The following DPEP3 variants were observed in gnomAD, a reference collection of about 807,000 sequenced individuals.
DPEP3 encodes the protein membrane-bound dipeptidase 3.
In DPEP3, 42 loss-of-function variants were observed where a neutral mutation model predicts 47.5. That is an observed-to-expected ratio of 0.88 (90% CI 0.69 to 1.14). The LOEUF is 1.14. Among genes scored for constraint, DPEP3 ranks in the 50% most tolerant of loss-of-function variants. The pLI, the probability that DPEP3 is intolerant of heterozygous loss-of-function variation, is 0.00. For synonymous variants in DPEP3, 276 were observed against 270.2 expected (o/e 1.02, Z -0.21); for missense variants, 560 against 635.0 (o/e 0.88, Z 1.27).
chr16:67,978,187 C>T lies in DPEP3; in HGVS notation c.686+80G>A, dbSNP rs148157324. ...CCTCTGCGGACCCCTTCATCCTCAA[C>T]GGCTTGGTCACACCCATGCCAGGAA... On this transcript the variant is annotated intron_variant, in intron 4 of 9. Coordinates refer to ENST00000268793, the MANE Select transcript of DPEP3 (RefSeq NM_001370198.1). This position sits in a 1 kb window ranked among gnomAD's most constrained non-coding sequence, Gnocchi z 4.4. 7.4e-5 allele frequency: 118 copies of T among 1,603,460 alleles called. No individual in the cohort carries two copies. In the African/African-American group the frequency reaches 1.0e-3, roughly 14 times the overall value.
chr16:67,978,147 T>C lies in DPEP3; in HGVS notation c.686+120A>G, dbSNP rs75869896. 6.3e-7 allele frequency: 1 copy of C among 1,578,406 alleles called. No individual in the cohort carries two copies. The highest frequency in any genetic ancestry group is 1.7e-5 in the Admixed American group (1 of 59,342). On this transcript the variant is annotated intron_variant, in intron 4 of 9. Coordinates refer to ENST00000268793, the MANE Select transcript of DPEP3 (RefSeq NM_001370198.1). This position sits in a 1 kb window ranked among gnomAD's most constrained non-coding sequence, Gnocchi z 4.4. ...CTTTCTGGGATTGTGAGGGACCCACTGGGTGTCCAGCCTCCCTCTGCGGAC... is the reference window on the plus strand; with the variant it reads ...CTTTCTGGGATTGTGAGGGACCCACCGGGTGTCCAGCCTCCCTCTGCGGAC...
In DPEP3 at chr16:67,979,772, G is replaced by A. The variant is rs768398646; in HGVS notation, c.288-7C>T. On this transcript the variant is annotated splice_polypyrimidine_tract_variant and splice_region_variant and intron_variant, in intron 1 of 9. Transcript: ENST00000268793. ...CTGGGGCAGGTCATTGTGGCTGGGG[G>A]TGTGAAGGTCAGATGGAAACACCGC... 9.9e-6 allele frequency: 16 copies of A among 1,613,532 alleles called. No individual in the cohort carries two copies. The East Asian group carries it at 3.3e-4, about 34-fold the overall frequency.
intron 6 of DPEP3, 111 bp downstream of exon 6, chr16:67,977,541 TA>T: frequency 7.2e-7 from 1 of 1,383,760 alleles, no homozygotes; most frequent in African/African-American, 1.4e-5. Context: ...GGAGGAGGAT[TA>T]ACCAGCCTTT....
Position 67,978,313 on chromosome 16 carries a change from G to A in DPEP3, c.640C>T (p.Leu214=). 2 of 1,614,184 alleles carry A rather than the reference G, an allele frequency of 1.2e-6. No homozygotes were observed. The highest frequency in any genetic ancestry group is 1.7e-6 in the Non-Finnish European group (2 of 1,180,038). Reference sequence around the variant, plus strand: ...GTAAGTGTCAGGTAGCGCACCCCCAGCACATAGAAACTGCGCAGCACAGAG... The same window carrying A: ...GTAAGTGTCAGGTAGCGCACCCCCAACACATAGAAACTGCGCAGCACAGAG... ...SLSVLRSFYV[L]GVRYLTLTFT... Residue 214 remains leucine, a synonymous_variant, in exon 4 of 10, where the codon CTG becomes TTG. Transcript: ENST00000268793. This position sits in a 1 kb window ranked among gnomAD's most constrained non-coding sequence, Gnocchi z 4.4.
chr16:67,978,115 C>T lies in DPEP3; in HGVS notation c.687-108G>A. On this transcript the variant is annotated intron_variant, in intron 4 of 9. Coordinates refer to ENST00000268793, the MANE Select transcript of DPEP3 (RefSeq NM_001370198.1). This position sits in a 1 kb window ranked among gnomAD's most constrained non-coding sequence, Gnocchi z 4.4. ...TCCTGCTTCCAGAACAGGTGCAGAA[C>T]CAGCTGCTTTCTGGGATTGTGAGGG... is the stretch of plus-strand genomic sequence containing the variant. 6.3e-7 allele frequency: 1 copy of T among 1,574,970 alleles called. No individual in the cohort carries two copies. Among genetic ancestry groups the T allele is most frequent in the South Asian group, 1.1e-5 (1 of 89,738 alleles).
At chr16:67,977,617 C>T (rs758659382) in intron 6 of DPEP3, 36 bp downstream of exon 6, 7 of 1,589,106 alleles carry the variant, frequency 4.4e-6, no homozygotes, top group Admixed American at 1.8e-5. Context: ...CTTTGGATAA[C>T]ACATGCCTAG....
Position 67,978,173 on chromosome 16 carries a change from C to T in DPEP3, c.686+94G>A. 6.3e-7 allele frequency: 1 copy of T among 1,598,102 alleles called. No individual in the cohort carries two copies. Among genetic ancestry groups the T allele is most frequent in the Non-Finnish European group, 8.6e-7 (1 of 1,168,924 alleles). On this transcript the variant is annotated intron_variant, in intron 4 of 9. Coordinates refer to ENST00000268793, the MANE Select transcript of DPEP3 (RefSeq NM_001370198.1). This position sits in a 1 kb window ranked among gnomAD's most constrained non-coding sequence, Gnocchi z 4.4. The stretch of plus-strand genomic sequence containing the variant: ...GGGTGTCCAGCCTCCCTCTGCGGAC[C>T]CCTTCATCCTCAACGGCTTGGTCAC...
chr16:67,978,744 C>G lies in DPEP3; in HGVS notation c.415-118G>C. 1 of 1,155,272 alleles carries G rather than the reference C, an allele frequency of 8.7e-7. No homozygotes were observed. The highest frequency in any genetic ancestry group is 1.2e-6 in the Non-Finnish European group (1 of 807,296). The allele number at this position is 1,155,272 out of a possible 1,614,324, so 71.6% of individuals were successfully genotyped here. On this transcript the variant is annotated intron_variant, in intron 2 of 9. Coordinates refer to ENST00000268793, the MANE Select transcript of DPEP3 (RefSeq NM_001370198.1). The surrounding 1 kb of genome is among the most constrained non-coding windows in gnomAD (Gnocchi z 4.4). ...TGGGTCAGTGGCCCCAAGTGAGGCA[C>G]TACATGACTCCATGGTACCTTGATG...
At position 67,978,699 on chromosome 16, in the gene DPEP3, C is replaced by T; in HGVS notation, c.415-73G>A. 1.3e-6 allele frequency: 2 copies of T among 1,584,456 alleles called. No homozygotes were observed. Among genetic ancestry groups the T allele is most frequent in the South Asian group, 1.1e-5 (1 of 87,554 alleles). On this transcript the variant is annotated intron_variant, in intron 2 of 9. Transcript: ENST00000268793. This position sits in a 1 kb window ranked among gnomAD's most constrained non-coding sequence, Gnocchi z 4.4. ...CCCCCTAGGCCTGCCACTCCTGCCTCAGACCCCATAACACCCATTTGGGTC... is the reference window on the plus strand; with the variant it reads ...CCCCCTAGGCCTGCCACTCCTGCCTTAGACCCCATAACACCCATTTGGGTC...
Position 67,977,989 on chromosome 16 carries a change from C to T in DPEP3, c.705G>A (p.Lys235=), listed in dbSNP as rs1316839137. ...CGTTGGTGTACATGTGGTGTCTGAA[C>T]TTGGTGGAACTCTCTGCCCTGCAGG... The part of the protein sequence containing the change: ...CSTPWAESST[K]FRHHMYTNVS... The change falls in exon 5 of 10, where the codon AAG becomes AAA. Residue 235 remains lysine (K), a synonymous_variant. Coordinates refer to ENST00000268793, the MANE Select transcript of DPEP3 (RefSeq NM_001370198.1). The T allele has an allele frequency of 3.7e-6, 6 of 1,613,814 alleles. No individual in the cohort carries two copies. The South Asian group carries it at 4.4e-5, about 12-fold the overall frequency.
chr16:67,980,489 C>G lies in DPEP3; in HGVS notation c.-109G>C. On this transcript the variant is annotated 5_prime_UTR_variant, in exon 1 of 10. Coordinates refer to ENST00000268793, the MANE Select transcript of DPEP3 (RefSeq NM_001370198.1). ...AGCCTCCCGAAGAGGGGGTTGAAGTCACGCGACTCTGAGACCGACGCGCCA... is the reference window on the plus strand; with the variant it reads ...AGCCTCCCGAAGAGGGGGTTGAAGTGACGCGACTCTGAGACCGACGCGCCA... 1 of 1,430,300 alleles carries G rather than the reference C, an allele frequency of 7.0e-7. No homozygotes were observed. Among genetic ancestry groups the G allele is most frequent in the Non-Finnish European group, 9.2e-7 (1 of 1,092,152 alleles). 88.6% of individuals were successfully genotyped at this position (1,430,300 alleles called of 1,614,324 possible). A position where few individuals can be genotyped will look rare whatever the true frequency, so the allele number is the denominator to read the frequency against.
Position 67,978,457 on chromosome 16 carries a change from C to T in DPEP3, c.544+40G>A. The T allele has an allele frequency of 6.2e-7, 1 of 1,614,000 alleles. No individual in the cohort carries two copies. The highest frequency in any genetic ancestry group is 8.5e-7 in the Non-Finnish European group (1 of 1,179,886). On this transcript the variant is annotated intron_variant, in intron 3 of 9. Coordinates refer to ENST00000268793, the MANE Select transcript of DPEP3 (RefSeq NM_001370198.1). The surrounding 1 kb of genome is among the most constrained non-coding windows in gnomAD (Gnocchi z 4.4). ...TGGTTAGATCCCAGGAACAGAACCT[C>T]CAGAGTGACATCCTGACTACCTCTC...
rs1328755207 is a variant in DPEP3 at position 67,980,197 on chromosome 16, TG to T, written c.183del (p.Ser62AlafsTer26). On this transcript the variant is annotated frameshift_variant, in exon 1 of 10. Transcript: ENST00000268793. LOFTEE classifies it high-confidence loss of function. ...SPSLFTTPGV[P>X]SALTTPGLTT... is the part of the protein sequence containing the mutation. ...GTGAGGCCTGGGGTAGTGAGGGCGC[TG>T]GGGACACCCGGCGTGGTGAAGAGGC... 1.2e-6 allele frequency: 2 copies of T among 1,610,618 alleles called. No homozygotes were observed. Among genetic ancestry groups the T allele is most frequent in the Non-Finnish European group, 1.7e-6 (2 of 1,178,472 alleles).
Position 67,978,333 on chromosome 16 carries a change from A to C in DPEP3, c.620T>G (p.Val207Gly), listed in dbSNP as rs1160618172. ...GGHSLDSSLS[V>G]LRSFYVLGVR... ...CCCCAGCACATAGAAACTGCGCAGCACAGAGAGGCTGCTGTCCAGTGAGTG... is the reference window on the plus strand; with the variant it reads ...CCCCAGCACATAGAAACTGCGCAGCCCAGAGAGGCTGCTGTCCAGTGAGTG... Residue 207 changes from valine to glycine, a missense_variant, in exon 4 of 10, where the codon GTG becomes GGG. Transcript: ENST00000268793. This position sits in a 1 kb window ranked among gnomAD's most constrained non-coding sequence, Gnocchi z 4.4. 1 of 1,614,116 alleles carries C rather than the reference A, an allele frequency of 6.2e-7. No homozygotes were observed. Among genetic ancestry groups the C allele is most frequent in the Non-Finnish European group, 8.5e-7 (1 of 1,179,986 alleles).
chr16:67,979,626 G>A lies in DPEP3; in HGVS notation c.414+13C>T, dbSNP rs762490078. 1.2e-6 allele frequency: 2 copies of A among 1,613,246 alleles called. No individual in the cohort carries two copies. The highest frequency in any genetic ancestry group is 1.1e-5 in the South Asian group (1 of 91,042). ...GCAGCCATGCTGTGGCACCCTGTGTGTCCCTGTGGTACCTGGGCACCCACG... is the reference window on the plus strand; with the variant it reads ...GCAGCCATGCTGTGGCACCCTGTGTATCCCTGTGGTACCTGGGCACCCACG... On this transcript the variant is annotated intron_variant, in intron 2 of 9. Transcript: ENST00000268793.
chr16:67,976,228 C>T lies in DPEP3; in HGVS notation c.1095G>A (p.Arg365=), dbSNP rs765135066. 2 of 1,613,904 alleles carry T rather than the reference C, an allele frequency of 1.2e-6. No individual in the cohort carries two copies. Among genetic ancestry groups the T allele is most frequent in the African/African-American group, 1.3e-5 (1 of 74,946 alleles). The change falls in exon 9 of 10, where the codon CGG becomes CGA. Residue 365 remains arginine (R), a splice_region_variant and synonymous_variant. Transcript: ENST00000268793. ...ACACATCCTCCAGCCCCTGAGGGAA[C>T]CTGTGTGGCCACCCACCAGCCAGCT... ...GIGGNYDGTG[R]FPQGLEDVST...
Position 67,980,487 on chromosome 16 carries a change from G to A in DPEP3, c.-107C>T. The A allele has an allele frequency of 1.4e-6, 2 of 1,431,824 alleles. No homozygotes were observed. Among genetic ancestry groups the A allele is most frequent in the South Asian group, 1.5e-5 (1 of 66,628 alleles). The allele number at this position is 1,431,824 out of a possible 1,614,324, so 88.7% of individuals were successfully genotyped here. ...CCAGCCTCCCGAAGAGGGGGTTGAAGTCACGCGACTCTGAGACCGACGCGC... is the reference window on the plus strand; with the variant it reads ...CCAGCCTCCCGAAGAGGGGGTTGAAATCACGCGACTCTGAGACCGACGCGC... On this transcript the variant is annotated 5_prime_UTR_variant, in exon 1 of 10. Transcript: ENST00000268793.
intron 5 of DPEP3, 48 bp from the exon 6 acceptor site, chr16:67,977,877 A>ACCCTCCGT: frequency 6.2e-7 from 1 of 1,613,894 alleles, no homozygotes; most frequent in Non-Finnish European, 8.5e-7. Flanking sequence ...TTGGGGTGCA[A>ACCCTCCGT]AGGTGTACAC....
intron 8 of DPEP3, 127 bp from the exon 9 acceptor site, chr16:67,976,355 C>G: frequency 7.6e-7 from 1 of 1,316,426 alleles, no homozygotes; most frequent in South Asian, 1.4e-5. Context: ...TGAATGCAAC[C>G]TTGGAGGCTC....
Sources: allele counts gnomAD v4.1 joint callset, GRCh38; gene constraint gnomAD v4.1.1; non-coding constraint Gnocchi (gnomAD v3.1); transcripts MANE v1.5; gene names NCBI Gene and HGNC (gene_info 2026-07-23, HGNC 2026-07-21).